The following NRXN1 variants were observed in gnomAD, a reference collection of about 807,000 sequenced individuals.
The protein encoded by NRXN1 is neurexin-1.
Under a neutral mutation model 150.9 loss-of-function variants are expected in NRXN1, and 39 were observed. The observed-to-expected ratio is 0.26, with a 90% CI of 0.20 to 0.34. NRXN1 has a LOEUF of 0.34. Among genes scored for constraint, NRXN1 ranks in the 10% least tolerant of loss-of-function variants. NRXN1 has a pLI of 1.00. For synonymous variants in NRXN1, 924 were observed against 757.0 expected (o/e 1.22, Z -3.62); for missense variants, 1,815 against 1,949.9 (o/e 0.93, Z 1.30).
intron 17 of NRXN1, among the ~76,000 whole-genome samples, chr2:50,437,630 A>G (rs1462769191): frequency 6.6e-6 from 1 of 152,136 alleles, no homozygotes; most frequent in Non-Finnish European, 1.5e-5. Flanking sequence ...GGTGGAGGCA[A>G]ACTCTTGTCT....
intron 8 of NRXN1, among the ~76,000 whole-genome samples, chr2:50,577,891 T>C (rs928723589): frequency 5.9e-5 from 9 of 152,160 alleles, no homozygotes; most frequent in African/African-American, 1.7e-4. Flanking sequence ...TAATATGCAA[T>C]AATGTCATCT....
intron 2 of NRXN1, among the ~76,000 whole-genome samples, chr2:50,944,513 T>C (rs890192348): frequency 1.3e-5 from 2 of 152,222 alleles, no homozygotes; most frequent in African/African-American, 4.8e-5. Flanking sequence ...AATACTTTCC[T>C]ACTTCCGTTT....
At chr2:50,645,963 TTGAG>T (rs1684758605) in intron 5 of NRXN1, among the ~76,000 whole-genome samples, 1 of 151,926 alleles carries the variant, frequency 6.6e-6, no homozygotes, top group South Asian at 2.1e-4. Flanking sequence ...GAAATGTGCC[TTGAG>T]AACAGATACT....
At chr2:50,484,456 G>T (rs1255699511) in intron 15 of NRXN1, among the ~76,000 whole-genome samples, 2 of 152,120 alleles carry the variant, frequency 1.3e-5, no homozygotes, top group Non-Finnish European at 2.9e-5. Flanking sequence ...CCCTCCTCCA[G>T]GTCAGGGAAG....
intron 10 of NRXN1, among the ~76,000 whole-genome samples, chr2:50,537,875 TGG>T (rs2093300838): frequency 6.6e-6 from 1 of 152,178 alleles, no homozygotes; most frequent in South Asian, 2.1e-4. Context: ...TTTCTTAGCA[TGG>T]GTATTAGCAC....
intron 17 of NRXN1, among the ~76,000 whole-genome samples, chr2:50,271,441 CA>C (rs1196827056): frequency 6.6e-6 from 1 of 152,146 alleles, no homozygotes; most frequent in Non-Finnish European, 1.5e-5. Flanking sequence ...TAAATTGGTG[CA>C]GTGCAACTAA....
chr2:49,977,044 G>A lies in NRXN1; in HGVS notation c.4129-33253C>T, dbSNP rs551996284. 3.9e-5 allele frequency among the ~76,000 whole-genome samples: 6 copies of A among 152,132 alleles called. No individual in the cohort carries two copies. The South Asian group carries it at 1.0e-3, about 26-fold the overall frequency. ...GGCTAAAGACAAAACAAATTTTCAC[G>A]TGTTTCCTCCCCAGAAGCAGCTTAT... is the stretch of plus-strand genomic sequence containing the variant. On this transcript the variant is annotated intron_variant, in intron 21 of 22. Coordinates refer to ENST00000401669, the MANE Select transcript of NRXN1 (RefSeq NM_001330078.2).
intron 5 of NRXN1, among the ~76,000 whole-genome samples, chr2:50,694,324 G>C (rs1002828081): frequency 1.3e-5 from 2 of 152,066 alleles, no homozygotes; most frequent in Non-Finnish European, 2.9e-5. Flanking sequence ...GTCTGTTTGG[G>C]CATGTTATTT....
chr2:50,758,878 T>C (rs919543768), intron 5 of NRXN1, among the ~76,000 whole-genome samples: 11 of 151,942 alleles, frequency 7.2e-5, no homozygotes, highest in Admixed American at 4.6e-4. Context: ...AACACGAGGA[T>C]TCTTTCCAAG....
intron 17 of NRXN1, among the ~76,000 whole-genome samples, chr2:50,278,251 T>A (rs1315383295): frequency 9.0e-6 from 1 of 111,630 alleles, no homozygotes; most frequent in Admixed American, 1.2e-4. Flanking sequence ...AATATATATA[T>A]ATATTATATA....
chr2:50,547,097 G>A (rs2093511491), intron 9 of NRXN1, among the ~76,000 whole-genome samples: 1 of 152,122 alleles, frequency 6.6e-6, no homozygotes, highest in African/African-American at 2.4e-5. Flanking sequence ...AGAGAGCCTT[G>A]TACCTTTCCC....
Position 51,014,301 on chromosome 2 carries a change from C to T in NRXN1, c.772+13201G>A, listed in dbSNP as rs139297504. 2.3e-3 allele frequency among the ~76,000 whole-genome samples: 357 copies of T among 152,000 alleles called. 7 individuals are homozygous for T. Among genetic ancestry groups the T allele is most frequent in the Admixed American group, 0.017 (263 of 15,250 alleles). On this transcript the variant is annotated intron_variant, in intron 2 of 22. Coordinates refer to ENST00000401669, the MANE Select transcript of NRXN1 (RefSeq NM_001330078.2). ...TGAATGTCAGACCAGTTGCAAAGAA[C>T]GAGGATTGGAACATTTTTAGCTCAG... is the stretch of plus-strand genomic sequence containing the variant.
At chr2:50,540,440 C>T (rs1028061591) in intron 9 of NRXN1, among the ~76,000 whole-genome samples, 3 of 151,996 alleles carry the variant, frequency 2.0e-5, no homozygotes, top group Non-Finnish European at 4.4e-5. Context: ...TCAAATGGAA[C>T]GATCATTACA....
chr2:50,454,892 A>G (rs926791369), intron 17 of NRXN1, among the ~76,000 whole-genome samples: 21 of 152,196 alleles, frequency 1.4e-4, no homozygotes, highest in African/African-American at 5.1e-4. Flanking sequence ...AGAACCATCA[A>G]GTAATCAAAG....
chr2:50,520,337 A>C (rs2092751238), intron 12 of NRXN1, among the ~76,000 whole-genome samples: 1 of 151,942 alleles, frequency 6.6e-6, no homozygotes, highest in Admixed American at 6.6e-5. Flanking sequence ...CAAATATATG[A>C]TCTAGTGTAG....
chr2:49,985,501 T>C (rs1680752883), intron 21 of NRXN1, among the ~76,000 whole-genome samples: 1 of 152,240 alleles, frequency 6.6e-6, no homozygotes, highest in Admixed American at 6.5e-5. Flanking sequence ...GCTTGTACTC[T>C]TTAGAAAATG....
chr2:50,924,017 T>G (rs962321272), intron 3 of NRXN1, among the ~76,000 whole-genome samples: 3 of 151,866 alleles, frequency 2.0e-5, no homozygotes, highest in Non-Finnish European at 2.9e-5. Context: ...CAGCTTATGA[T>G]CTATTGATAA....
At chr2:50,474,179 T>C (rs375363309) in intron 15 of NRXN1, among the ~76,000 whole-genome samples, 1 of 152,010 alleles carries the variant, frequency 6.6e-6, no homozygotes, top group African/African-American at 2.4e-5. Flanking sequence ...ATTCTGTCCT[T>C]TGTTTTTGCT....
At chr2:50,948,616 C>T (rs914488597) in intron 2 of NRXN1, among the ~76,000 whole-genome samples, 1 of 151,966 alleles carries the variant, frequency 6.6e-6, no homozygotes, top group Non-Finnish European at 1.5e-5. Context: ...ATTGAGGGAG[C>T]AGCTAATACA....
Sources: gnomAD v4.1 joint callset for allele counts (sites outside exome capture counted in the v4.1 genomes callset) on GRCh38, gnomAD v4.1.1 for gene constraint, MANE v1.5 for transcripts, NCBI Gene and HGNC (gene_info 2026-07-23, HGNC 2026-07-21) for gene names.